NFATC3: variants seen among roughly 807,000 people sequenced by gnomAD.
NFATC3 encodes nuclear factor of activated T-cells, cytoplasmic 3.
A neutral mutation model predicts 98.6 loss-of-function variants in NFATC3; 46 were observed. That is an observed-to-expected ratio of 0.47 (90% CI 0.37 to 0.60). The LOEUF (loss-of-function observed/expected upper bound fraction) is 0.60. NFATC3 is among the 20% of genes least tolerant of loss of function. The pLI is 0.00. For missense variants in NFATC3, 1,256 were observed against 1,295.5 expected, an observed-to-expected ratio of 0.97 and a Z score of 0.47; for synonymous variants, 512 against 472.2, an observed-to-expected ratio of 1.08 and a Z score of -1.09.
chr16:68,223,505 G>A (rs1365361071), intron 9 of NFATC3, among the ~76,000 whole-genome samples: 1 of 152,160 alleles, frequency 6.6e-6, no homozygotes, highest in East Asian at 1.9e-4. Flanking sequence ...TACTTTGGAG[G>A]CTAAGGTGGG....
intron 3 of NFATC3, among the ~76,000 whole-genome samples, chr16:68,144,319 T>TA (rs1057137131): frequency 6.6e-6 from 1 of 152,176 alleles, no homozygotes; most frequent in African/African-American, 2.4e-5. Context: ...GGATGCTTCA[T>TA]AAACTGCTAG....
intron 5 of NFATC3, among the ~76,000 whole-genome samples, chr16:68,167,810 CTTTTTTTTTTTTTTTTTTTTTTTTTTT>C (rs35302776): frequency 2.1e-4 from 5 of 23,922 alleles, no homozygotes; most frequent in Non-Finnish European, 3.2e-4. Context: ...CGTATGTGTT[CTTTTTTTTTTTTTTTTTTTTTTTTTTT>C]TTTTTTTTTT....
intron 3 of NFATC3, among the ~76,000 whole-genome samples, chr16:68,136,352 A>G (rs944409693): frequency 5.9e-5 from 9 of 151,904 alleles, no homozygotes; most frequent in Non-Finnish European, 1.0e-4. Flanking sequence ...GCTGCAACCT[A>G]CACTTTCTGG....
chr16:68,208,761 C>T lies in NFATC3; in HGVS notation c.3106+16986C>T, dbSNP rs544045650. On this transcript the variant is annotated intron_variant, in intron 9 of 9. Coordinates refer to ENST00000346183, the MANE Select transcript of NFATC3 (RefSeq NM_173165.3). ...AAAACCCCAAAACAAGAATTGTTTT[C>T]TTAATTTTTTTTGGACCTTTCATTC... Among the ~76,000 whole-genome samples, 4 of 151,384 alleles carry T rather than the reference C, an allele frequency of 2.6e-5. No individual in the cohort carries two copies. In the South Asian group the frequency reaches 8.3e-4, roughly 31 times the overall value.
chr16:68,175,262 A>T (rs910874118), intron 6 of NFATC3, among the ~76,000 whole-genome samples: 2 of 152,178 alleles, frequency 1.3e-5, no homozygotes, highest in African/African-American at 4.8e-5. Context: ...CAGTGGTTGG[A>T]GGAAGTTGTC....
rs751367040 is a variant in NFATC3, at chr16:68,123,098, G to A, written c.1215G>A (p.Lys405=). 2.9e-5 allele frequency: 47 copies of A among 1,603,180 alleles called. No homozygotes were observed. The highest frequency in any genetic ancestry group is 1.6e-4 in the Middle Eastern group (1 of 6,084). Residue 405 remains lysine (K), a synonymous_variant, in exon 2 of 10, where the codon AAG becomes AAA. Coordinates refer to ENST00000346183, the MANE Select transcript of NFATC3 (RefSeq NM_173165.3). ...CACCCTTTACCTGGAGCAAACCAAA[G>A]CCTGGCCACACCCCTATATTTCGGT... The part of the protein sequence containing the change: ...VPSPFTWSKP[K]PGHTPIFRTS...
Position 68,191,456 on chromosome 16 carries a change from A to G in NFATC3, c.2787A>G (p.Ala929=). Residue 929 remains alanine (A), a synonymous_variant, in exon 9 of 10, where the codon GCA becomes GCG. Coordinates refer to ENST00000346183, the MANE Select transcript of NFATC3 (RefSeq NM_173165.3). ...GGTCTGCTACAACAGCTTCCCCAGC[A>G]GCTTCTCATCCCTTGGCTAGTTCAC... ...HSGSATTASP[A]ASHPLASSPL... The G allele has an allele frequency of 6.2e-7, 1 of 1,614,138 alleles. No individual in the cohort carries two copies. Among genetic ancestry groups the G allele is most frequent in the Non-Finnish European group, 8.5e-7 (1 of 1,180,014 alleles).
intron 3 of NFATC3, among the ~76,000 whole-genome samples, chr16:68,139,120 C>G (rs1355225808): frequency 6.6e-6 from 1 of 151,952 alleles, no homozygotes; most frequent in Admixed American, 6.6e-5. Context: ...CTGAGAGAGA[C>G]AATGAGTAAA....
At chr16:68,154,302 G>A (rs2038496447) in intron 3 of NFATC3, among the ~76,000 whole-genome samples, 1 of 152,076 alleles carries the variant, frequency 6.6e-6, no homozygotes, top group South Asian at 2.1e-4. Flanking sequence ...CTATCATTCT[G>A]TGTATAGTTA....
intron 4 of NFATC3, among the ~76,000 whole-genome samples, chr16:68,163,372 C>T (rs2038994149): frequency 6.6e-6 from 1 of 151,314 alleles, no homozygotes; most frequent in Admixed American, 6.6e-5. Context: ...GGGGGCTGAC[C>T]CCACCACCTC....
chr16:68,096,123 G>A (rs1448599448), intron 1 of NFATC3, among the ~76,000 whole-genome samples: 1 of 151,938 alleles, frequency 6.6e-6, no homozygotes, highest in African/African-American at 2.4e-5. Flanking sequence ...ACCATGCCCA[G>A]CTAATTTTTA....
chr16:68,157,818 A>C (rs1173993229), intron 3 of NFATC3, 51 bp from the exon 4 acceptor site: 1 of 1,458,074 alleles, frequency 6.9e-7, no homozygotes, highest in Non-Finnish European at 9.5e-7. Context: ...GCATATTGTA[A>C]AATGCATGGA....
chr16:68,179,094 C>T (rs1598517265), intron 6 of NFATC3, among the ~76,000 whole-genome samples: 1 of 152,254 alleles, frequency 6.6e-6, no homozygotes, highest in South Asian at 2.1e-4. Context: ...TGTGCTCATG[C>T]TGTCTCTTCT....
At chr16:68,140,211 G>C (rs2037676174) in intron 3 of NFATC3, among the ~76,000 whole-genome samples, 2 of 152,124 alleles carry the variant, frequency 1.3e-5, no homozygotes, top group South Asian at 2.1e-4. Context: ...TGGTGGTCCG[G>C]CTGGTCTCGG....
intron 8 of NFATC3, among the ~76,000 whole-genome samples, chr16:68,188,910 G>A (rs2040324710): frequency 6.6e-6 from 1 of 152,050 alleles, no homozygotes; most frequent in Non-Finnish European, 1.5e-5. Flanking sequence ...GTTTCATCAT[G>A]TTGGCCAGGC....
At chr16:68,186,457 G>A (rs373898348) in intron 8 of NFATC3, among the ~76,000 whole-genome samples, 5 of 151,802 alleles carry the variant, frequency 3.3e-5, no homozygotes, top group East Asian at 1.9e-4. Flanking sequence ...GGAGAATGGC[G>A]TGAACCCAGG....
intron 6 of NFATC3, among the ~76,000 whole-genome samples, chr16:68,176,123 G>A (rs1390884096): frequency 5.3e-5 from 8 of 151,930 alleles, no homozygotes; most frequent in Admixed American, 1.3e-4. Context: ...GATTACAGGC[G>A]CCCACCACCA....
intron 1 of NFATC3, among the ~76,000 whole-genome samples, chr16:68,110,931 C>A (rs2035913981): frequency 6.6e-6 from 1 of 152,146 alleles, no homozygotes; most frequent in African/African-American, 2.4e-5. Context: ...CATTCAGGGG[C>A]AGGTTGTTCA....
intron 4 of NFATC3, among the ~76,000 whole-genome samples, chr16:68,163,704 C>T (rs1371232078): frequency 2.0e-5 from 3 of 151,168 alleles, no homozygotes; most frequent in Non-Finnish European, 3.0e-5. Context: ...CGGGCAGAGA[C>T]GCTCCTCACC....
Sources: allele counts gnomAD v4.1 joint callset (sites outside exome capture counted in the v4.1 genomes callset), GRCh38; gene constraint gnomAD v4.1.1; transcripts MANE v1.5; gene names NCBI Gene and HGNC (gene_info 2026-07-23, HGNC 2026-07-21).